ADA2: variants seen among roughly 807,000 people sequenced by gnomAD.
ADA2 encodes the protein adenosine deaminase CECR1.
ADA2 carries 29 observed loss-of-function variants against 44.2 expected under a neutral mutation model. The observed-to-expected ratio is 0.66, with a 90% CI of 0.49 to 0.89. The LOEUF is 0.89. ADA2 is among the 40% of genes least tolerant of loss of function. The pLI is 0.00. For missense variants in ADA2, 637 were observed against 644.8 expected, an observed-to-expected ratio of 0.99 and a Z score of 0.13; for synonymous variants, 215 against 234.9, an observed-to-expected ratio of 0.92 and a Z score of 0.77.
rs756616828 is a variant in ADA2 at position 17,182,739 on chromosome 22, G to A, written c.1104C>T (p.Asp368=). 3.7e-6 allele frequency: 6 copies of A among 1,613,480 alleles called. No individual in the cohort carries two copies. The African/African-American group carries it at 4.0e-5, about 11-fold the overall frequency. ...GCATCAGAGCATCCAGAATGTTCCT[G>A]TCTATGGAAGTACCCTGCCAGTCTG... The part of the protein sequence containing the change: ...GETDWQGTSI[D]RNILDALMLN... The change falls in exon 8 of 10, where the codon GAC becomes GAT. Residue 368 remains aspartate, a synonymous_variant. Transcript: ENST00000399837.
rs868563664 is a variant in ADA2 at position 17,188,458 on chromosome 22, G to C, written c.973-11C>G. ...GTCCTCATGCCCCACCTGCAGGACA[G>C]AGAGGGACAGGGAGGTGTCTGCAGG... On this transcript the variant is annotated splice_polypyrimidine_tract_variant and intron_variant, in intron 6 of 9. Coordinates refer to ENST00000399837, the MANE Select transcript of ADA2 (RefSeq NM_001282225.2). 1 of 1,586,884 alleles carries C rather than the reference G, an allele frequency of 6.3e-7. No individual in the cohort carries two copies. Among genetic ancestry groups the C allele is most frequent in the African/African-American group, 1.3e-5 (1 of 74,284 alleles).
At chr22:17,213,510 G>C in intron 1 of ADA2, 1 of 261,300 alleles carries the variant, frequency 3.8e-6, no homozygotes, top group South Asian at 3.8e-5. Context: ...GGGGAGTGTC[G>C]TGGATGCCTA....
chr22:17,216,445 A>G (rs1250257350), intron 1 of ADA2, among the ~76,000 whole-genome samples: 1 of 151,960 alleles, frequency 6.6e-6, no homozygotes, highest in Non-Finnish European at 1.5e-5. Flanking sequence ...TAGGGTGACT[A>G]TACTTAGCAA....
At chr22:17,196,104 TG>T (rs1024620712) in intron 4 of ADA2, among the ~76,000 whole-genome samples, 1 of 149,976 alleles carries the variant, frequency 6.7e-6, no homozygotes, top group Non-Finnish European at 1.5e-5. Flanking sequence ...CCCAGCACTT[TG>T]GGGGGCCAAG....
intron 1 of ADA2, among the ~76,000 whole-genome samples, chr22:17,211,588 G>A (rs2062418657): frequency 6.6e-6 from 1 of 151,960 alleles, no homozygotes; most frequent in African/African-American, 2.4e-5. Flanking sequence ...AGCCAAAATT[G>A]CGCCACTGCA....
chr22:17,215,120 A>G (rs1191206264), intron 1 of ADA2, among the ~76,000 whole-genome samples: 1 of 152,194 alleles, frequency 6.6e-6, no homozygotes, highest in African/African-American at 2.4e-5. Context: ...CAAACCGCAT[A>G]TGCTATTGGG....
At chr22:17,208,586 T>C (rs2062381769) in intron 2 of ADA2, among the ~76,000 whole-genome samples, 1 of 151,790 alleles carries the variant, frequency 6.6e-6, no homozygotes. Context: ...GTGGATTGCC[T>C]GAGCTCAGGT....
intron 1 of ADA2, among the ~76,000 whole-genome samples, chr22:17,217,283 A>G (rs5748955): frequency 0.43 from 64,937 of 151,962 alleles, 14,575 homozygotes; most frequent in East Asian, 0.76. Flanking sequence ...AAGGAATACA[A>G]GAAATTGCCC....
At chr22:17,220,222 G>A (rs1472352875), upstream of ADA2, among the ~76,000 whole-genome samples, 4 of 152,054 alleles carry the variant, frequency 2.6e-5, no homozygotes, top group African/African-American at 7.2e-5. Flanking sequence ...TCAGGGATGC[G>A]GGGACAGGAC....
upstream of ADA2, among the ~76,000 whole-genome samples, chr22:17,220,474 T>C (rs1421606782): frequency 2.6e-5 from 4 of 152,012 alleles, no homozygotes; most frequent in Non-Finnish European, 5.9e-5. Flanking sequence ...CCACAGAGGG[T>C]CCATTGTCAG....
intron 5 of ADA2, 115 bp downstream of exon 5, chr22:17,191,568 T>C (rs2062114541): frequency 1.7e-6 from 2 of 1,177,538 alleles, no homozygotes; most frequent in African/African-American, 3.0e-5. Context: ...TTGGCACCAG[T>C]GCTGGGCCTC....
At chr22:17,218,725 C>T (rs2062496356) in intron 1 of ADA2, among the ~76,000 whole-genome samples, 1 of 152,214 alleles carries the variant, frequency 6.6e-6, no homozygotes, top group Non-Finnish European at 1.5e-5. Flanking sequence ...CAAGACCTGC[C>T]TGGTTGAATA....
chr22:17,195,761 CTTT>C (rs59967054), intron 4 of ADA2, among the ~76,000 whole-genome samples: 9 of 128,772 alleles, frequency 7.0e-5, no homozygotes, highest in South Asian at 2.5e-4. Flanking sequence ...AATTTCTTTC[CTTT>C]TTTTTTTTTT....
chr22:17,196,410 G>T (rs571000906), intron 4 of ADA2, among the ~76,000 whole-genome samples: 15 of 151,692 alleles, frequency 9.9e-5, no homozygotes, highest in African/African-American at 3.6e-4. Context: ...AATAAAAGGC[G>T]TTTGAAATTA....
intron 4 of ADA2, among the ~76,000 whole-genome samples, chr22:17,201,448 GC>G (rs1168842740): frequency 6.6e-6 from 1 of 152,124 alleles, no homozygotes; most frequent in African/African-American, 2.4e-5. Flanking sequence ...CACCATGTGG[GC>G]CTTTCCACAA....
chr22:17,201,836 T>G (rs2062290938), intron 4 of ADA2, among the ~76,000 whole-genome samples: 1 of 152,174 alleles, frequency 6.6e-6, no homozygotes, highest in Non-Finnish European at 1.5e-5. Flanking sequence ...ATCCTTTGCT[T>G]CTGGCCAAAA....
chr22:17,183,184 A>T (rs2061993083), intron 7 of ADA2, among the ~76,000 whole-genome samples: 1 of 152,030 alleles, frequency 6.6e-6, no homozygotes, highest in Non-Finnish European at 1.5e-5. Flanking sequence ...CCCAGGTTCA[A>T]ACAATTTTCC....
intron 4 of ADA2, chr22:17,192,987 G>A (rs927858782): frequency 3.0e-5 from 19 of 629,020 alleles, no homozygotes; most frequent in Non-Finnish European, 4.7e-5. Flanking sequence ...TGACCAATAC[G>A]TCAAAATTAA....
intron 3 of ADA2, 127 bp from the exon 4 acceptor site, chr22:17,203,900 G>A (rs923344073): frequency 3.0e-6 from 2 of 668,014 alleles, no homozygotes; most frequent in South Asian, 1.7e-5. Context: ...CTAGAGTGGA[G>A]ATAAGGAAGG....
Sources: gnomAD v4.1 joint callset for allele counts (sites outside exome capture counted in the v4.1 genomes callset) on GRCh38, gnomAD v4.1.1 for gene constraint, MANE v1.5 for transcripts, NCBI Gene and HGNC (gene_info 2026-07-23, HGNC 2026-07-21) for gene names.